USP15: variants seen among roughly 807,000 people sequenced by gnomAD.
USP15 encodes ubiquitin carboxyl-terminal hydrolase 15.
Under a neutral mutation model 127.1 loss-of-function variants are expected in USP15, and 18 were observed. The ratio of observed to expected loss-of-function variants is 0.14; its 90% CI spans 0.10 to 0.21. USP15 has a LOEUF of 0.21. Among genes scored for constraint, USP15 ranks in the 10% least tolerant of loss-of-function variants. USP15 has a pLI of 1.00. For synonymous variants in USP15, 364 were observed against 393.7 expected (o/e 0.92, Z 0.89); for missense variants, 805 against 1,159.9 (o/e 0.69, Z 4.44).
intron 1 of USP15, among the ~76,000 whole-genome samples, chr12:62,262,585 T>G (rs1342786326): frequency 6.6e-6 from 1 of 151,934 alleles, no homozygotes; most frequent in Non-Finnish European, 1.5e-5. Flanking sequence ...GGCGTTTAAC[T>G]TTATGAAGTT....
Position 62,413,736 on chromosome 12 carries a change from C to T in USP15, c.*9361C>T, listed in dbSNP as rs2068090569. On this transcript the variant is annotated 3_prime_UTR_variant, in exon 22 of 22. Coordinates refer to ENST00000280377, the MANE Select transcript of USP15 (RefSeq NM_001252078.2). Reference sequence around the variant, plus strand: ...TCTATTAAAAAAAAAAAAACTCAGGCTTTCTCTATACCACTTTTCTTATGA... The same window carrying T: ...TCTATTAAAAAAAAAAAAACTCAGGTTTTCTCTATACCACTTTTCTTATGA... The T allele has an allele frequency of 1.3e-5, 2 of 151,884 alleles. No individual in the cohort carries two copies. The highest frequency in any genetic ancestry group is 4.8e-5 in the African/African-American group (2 of 41,294). The allele number at this position is 151,884 out of a possible 1,614,324, so 9.4% of individuals were successfully genotyped here.
At chr12:62,366,084 G>C (rs1281128513) in intron 8 of USP15, among the ~76,000 whole-genome samples, 1 of 152,158 alleles carries the variant, frequency 6.6e-6, no homozygotes, top group Non-Finnish European at 1.5e-5. Flanking sequence ...TTCCAATTCT[G>C]TGAAGAAAGT....
intron 3 of USP15, chr12:62,303,462 C>A (rs1418834901): frequency 2.0e-5 from 3 of 151,862 alleles, no homozygotes; most frequent in Non-Finnish European, 2.9e-5. Context: ...AAGGGTGTTG[C>A]TGTAGTAGAA....
intron 1 of USP15, among the ~76,000 whole-genome samples, chr12:62,280,379 A>G (rs898762320): frequency 1.3e-5 from 2 of 152,212 alleles, no homozygotes; most frequent in East Asian, 3.9e-4. Flanking sequence ...TCAGGCTGCT[A>G]TAACAAAGTA....
At chr12:62,391,461 A>C (rs2067322935) in intron 16 of USP15, 32 bp downstream of exon 16, 1 of 1,579,866 alleles carries the variant, frequency 6.3e-7, no homozygotes, top group Admixed American at 2.0e-5. Flanking sequence ...CTTGAACATT[A>C]AACAAGCCGA....
At chr12:62,376,735 G>A (rs1292926159) in intron 8 of USP15, among the ~76,000 whole-genome samples, 1 of 152,036 alleles carries the variant, frequency 6.6e-6, no homozygotes, top group African/African-American at 2.4e-5. Context: ...AGAAAGTTTT[G>A]TCCTGTTTAA....
At chr12:62,308,354 T>C (rs1401926871) in intron 3 of USP15, among the ~76,000 whole-genome samples, 1 of 152,020 alleles carries the variant, frequency 6.6e-6, no homozygotes, top group Non-Finnish European at 1.5e-5. Flanking sequence ...CCTCTTAGAA[T>C]CCTTAGTCTG....
At chr12:62,380,168 A>G (rs1377673923) in intron 8 of USP15, among the ~76,000 whole-genome samples, 1 of 151,968 alleles carries the variant, frequency 6.6e-6, no homozygotes, top group Non-Finnish European at 1.5e-5. Context: ...TATTATAACC[A>G]GTTGTCCCTT....
chr12:62,371,858 A>G (rs1179337422), intron 8 of USP15, among the ~76,000 whole-genome samples: 1 of 152,124 alleles, frequency 6.6e-6, no homozygotes, highest in African/African-American at 2.4e-5. Context: ...TCGAGCGGAA[A>G]TATTTGGGTT....
At chr12:62,319,318 A>T (rs566678136) in intron 4 of USP15, among the ~76,000 whole-genome samples, 23 of 152,312 alleles carry the variant, frequency 1.5e-4, no homozygotes, top group Admixed American at 9.2e-4. Flanking sequence ...GCCTCCTCAA[A>T]CACTGGGGAT....
intron 1 of USP15, among the ~76,000 whole-genome samples, chr12:62,279,549 T>C (rs192814571): frequency 6.6e-6 from 1 of 152,266 alleles, no homozygotes; most frequent in African/African-American, 2.4e-5. Flanking sequence ...TGAGGAACCT[T>C]CATACCATTT....
intron 1 of USP15, among the ~76,000 whole-genome samples, chr12:62,277,359 A>T (rs750282462): frequency 2.0e-5 from 3 of 152,196 alleles, no homozygotes; most frequent in Non-Finnish European, 4.4e-5. Flanking sequence ...AAGGAAGGGG[A>T]TGGTATTAGG....
intron 8 of USP15, among the ~76,000 whole-genome samples, chr12:62,360,166 T>C (rs958482804): frequency 6.6e-6 from 1 of 152,084 alleles, no homozygotes; most frequent in Non-Finnish European, 1.5e-5. Flanking sequence ...GAAAGCAGCA[T>C]GGCATAAGAT....
intron 20 of USP15, among the ~76,000 whole-genome samples, chr12:62,396,952 TA>T: frequency 6.6e-6 from 1 of 152,318 alleles, no homozygotes; most frequent in Non-Finnish European, 1.5e-5. Context: ...TGTAAGAATT[TA>T]TTTGGGCTGC....
At chr12:62,295,789 T>G (rs2064112520) in intron 2 of USP15, among the ~76,000 whole-genome samples, 1 of 152,194 alleles carries the variant, frequency 6.6e-6, no homozygotes, top group Non-Finnish European at 1.5e-5. Context: ...ACAGATAGAT[T>G]AAGATATGGA....
chr12:62,293,321 C>G (rs2064031106), intron 1 of USP15, among the ~76,000 whole-genome samples: 1 of 152,024 alleles, frequency 6.6e-6, no homozygotes, highest in Non-Finnish European at 1.5e-5. Flanking sequence ...AGTATTCTCT[C>G]TCTGATATTC....
intron 1 of USP15, among the ~76,000 whole-genome samples, chr12:62,280,099 T>G (rs1466379567): frequency 6.6e-6 from 1 of 152,202 alleles, no homozygotes; most frequent in African/African-American, 2.4e-5. Flanking sequence ...TGCTTAGAAG[T>G]ATGCACATGG....
Position 62,389,479 on chromosome 12 carries a change from G to A in USP15, c.1522G>A (p.Ala508Thr). Reference sequence around the variant, plus strand: ...TGGAAACATATTAGATCTTTGTACAGCATTGTCTGCTTTGTCAGGAATACC... The same window carrying A: ...TGGAAACATATTAGATCTTTGTACAACATTGTCTGCTTTGTCAGGAATACC... Reference protein sequence around the residue: ...KIGNILDLCTALSALSGIPAD... With the variant: ...KIGNILDLCTTLSALSGIPAD... Residue 508 changes from alanine (A) to threonine (T), a missense_variant, in exon 12 of 22, where the codon GCA (alanine) becomes ACA (threonine). By Grantham distance (58) the Ala-to-Thr change is moderately conservative. This residue lies in a region of USP15 where 82 missense variants were observed against 104.4 expected (regional missense o/e 0.79). Coordinates refer to ENST00000280377, the MANE Select transcript of USP15 (RefSeq NM_001252078.2). The A allele has an allele frequency of 6.2e-7, 1 of 1,613,726 alleles. No individual in the cohort carries two copies. Among genetic ancestry groups the A allele is most frequent in the South Asian group, 1.1e-5 (1 of 91,032 alleles).
chr12:62,389,762 A>G, intron 13 of USP15, 35 bp from the exon 14 acceptor site: 2 of 1,600,432 alleles, frequency 1.2e-6, no homozygotes, highest in African/African-American at 1.3e-5. Context: ...GTAACATAAA[A>G]TTTTGAGAGT....
Sources: gnomAD v4.1 joint callset for allele counts (sites outside exome capture counted in the v4.1 genomes callset) on GRCh38, gnomAD v4.1.1 for gene constraint, gnomAD v4.1.1 regional missense constraint, MANE v1.5 for transcripts, NCBI Gene and HGNC (gene_info 2026-07-23, HGNC 2026-07-21) for gene names.